The following PPP3CA variants were observed in gnomAD, a reference collection of about 807,000 sequenced individuals.
PPP3CA encodes the protein CAM-PRP catalytic subunit.
PPP3CA carries 14 observed loss-of-function variants against 66.5 expected under a neutral mutation model. That is an observed-to-expected ratio of 0.21 (90% CI 0.14 to 0.33). The LOEUF (loss-of-function observed/expected upper bound fraction) is 0.33, where lower values mean the gene tolerates loss of function less well. Ranked by LOEUF, PPP3CA falls within the 10% of genes least tolerant of loss-of-function variation. The pLI is 1.00. For missense variants in PPP3CA, 317 were observed against 639.5 expected (o/e 0.50, Z 5.44); for synonymous variants, 232 against 226.2 (o/e 1.03, Z -0.23).
intron 2 of PPP3CA, among the ~76,000 whole-genome samples, chr4:101,124,725 G>GAAAGAAAGAAAGAAAGAAAA (rs1412415941): frequency 5.1e-5 from 3 of 58,768 alleles, no homozygotes; most frequent in African/African-American, 1.7e-4. Context: ...AAGAAAGAAA[G>GAAAGAAAGAAAGAAAGAAAA]AGAAAGAAAG....
intron 13 of PPP3CA, among the ~76,000 whole-genome samples, chr4:101,026,696 G>A (rs1726669997): frequency 6.6e-6 from 1 of 152,016 alleles, no homozygotes; most frequent in African/African-American, 2.4e-5. Flanking sequence ...CTTAACTTTG[G>A]AAGCATGTGG....
intron 2 of PPP3CA, among the ~76,000 whole-genome samples, chr4:101,155,267 T>C (rs1012443613): frequency 2.6e-5 from 4 of 152,200 alleles, no homozygotes; most frequent in African/African-American, 9.7e-5. Context: ...ACCAGGTATA[T>C]ACTCAATAAA....
At chr4:101,170,684 C>T (rs1352324881) in intron 2 of PPP3CA, among the ~76,000 whole-genome samples, 1 of 152,088 alleles carries the variant, frequency 6.6e-6, no homozygotes, top group South Asian at 2.1e-4. Context: ...TTAGATATAC[C>T]TATACTTGGA....
chr4:101,192,145 TAC>T (rs1724626715), intron 2 of PPP3CA, among the ~76,000 whole-genome samples: 1 of 152,232 alleles, frequency 6.6e-6, no homozygotes, highest in Non-Finnish European at 1.5e-5. Flanking sequence ...CAAATCATCT[TAC>T]TGTTTTCAAG....
intron 10 of PPP3CA, among the ~76,000 whole-genome samples, chr4:101,042,635 C>T (rs1301527248): frequency 6.6e-6 from 1 of 151,998 alleles, no homozygotes; most frequent in African/African-American, 2.4e-5. Context: ...AGGGTGTGTG[C>T]AGGATCCCTA....
intron 10 of PPP3CA, among the ~76,000 whole-genome samples, chr4:101,049,275 G>A (rs1727906548): frequency 3.3e-5 from 5 of 152,044 alleles, no homozygotes; most frequent in Admixed American, 3.3e-4. Context: ...AGACTTTACA[G>A]TAGATTAGGA....
rs545596114 is a variant in PPP3CA at position 101,104,171 on chromosome 4, A to T, written c.385-4449T>A. Among the ~76,000 whole-genome samples the T allele has an allele frequency of 2.0e-5, 3 of 152,150 alleles. No homozygotes were observed. In the South Asian group the frequency reaches 6.2e-4, roughly 32 times the overall value. On this transcript the variant is annotated intron_variant, in intron 3 of 13. Transcript: ENST00000394854. ...GCTGACTTGGTAAAAATTAAACTGAAGTGCTCCCCTTTGCCCAGAGGATAG... is the reference window on the plus strand; with the variant it reads ...GCTGACTTGGTAAAAATTAAACTGATGTGCTCCCCTTTGCCCAGAGGATAG...
At chr4:101,191,466 G>T (rs1052652136) in intron 2 of PPP3CA, among the ~76,000 whole-genome samples, 1 of 152,170 alleles carries the variant, frequency 6.6e-6, no homozygotes, top group East Asian at 1.9e-4. Flanking sequence ...CACAGGCTGG[G>T]ACTGAAATGT....
At chr4:101,274,320 A>G (rs1043277041) in intron 1 of PPP3CA, among the ~76,000 whole-genome samples, 2 of 152,222 alleles carry the variant, frequency 1.3e-5, no homozygotes, top group Non-Finnish European at 2.9e-5. Flanking sequence ...TCAAAAATAA[A>G]TAAATAAAGG....
intron 2 of PPP3CA, among the ~76,000 whole-genome samples, chr4:101,113,357 C>T (rs1190485370): frequency 2.0e-5 from 3 of 152,124 alleles, no homozygotes; most frequent in Admixed American, 6.6e-5. Context: ...TCATAGCACA[C>T]ACAGCCTTCA....
At chr4:101,031,911 A>ACTT (rs1018866770) in intron 12 of PPP3CA, among the ~76,000 whole-genome samples, 4 of 152,238 alleles carry the variant, frequency 2.6e-5, no homozygotes, top group African/African-American at 9.6e-5. Flanking sequence ...TAACCAGAAT[A>ACTT]CTTATTAAAA....
intron 8 of PPP3CA, among the ~76,000 whole-genome samples, chr4:101,075,726 A>AT (rs147325409): frequency 0.02 from 3,113 of 152,236 alleles, 110 homozygotes; most frequent in African/African-American, 0.071. Flanking sequence ...ATCCAGAGAG[A>AT]TTTTACTCTC....
intron 1 of PPP3CA, among the ~76,000 whole-genome samples, chr4:101,278,843 C>A (rs1417088540): frequency 6.6e-6 from 1 of 152,188 alleles, no homozygotes; most frequent in African/African-American, 2.4e-5. Flanking sequence ...CATCTGGCCC[C>A]CTTTGTGCCA....
chr4:101,117,892 T>C (rs945598012), intron 2 of PPP3CA, among the ~76,000 whole-genome samples: 3 of 151,914 alleles, frequency 2.0e-5, no homozygotes, highest in African/African-American at 7.2e-5. Flanking sequence ...GTTGATATAA[T>C]TTCAGCCGAA....
intron 2 of PPP3CA, among the ~76,000 whole-genome samples, chr4:101,150,682 T>C (rs1472647263): frequency 6.6e-6 from 1 of 152,190 alleles, no homozygotes; most frequent in Admixed American, 6.5e-5. Flanking sequence ...GCATTATGTA[T>C]GATACACAGT....
At chr4:101,344,689 T>G (rs1180161846) in intron 1 of PPP3CA, among the ~76,000 whole-genome samples, 1 of 152,204 alleles carries the variant, frequency 6.6e-6, no homozygotes, top group Non-Finnish European at 1.5e-5. Flanking sequence ...AGTGGGCTCT[T>G]CCATTTTAAG....
chr4:101,208,086 T>C (rs533872001), intron 1 of PPP3CA, among the ~76,000 whole-genome samples: 99 of 152,320 alleles, frequency 6.5e-4, no homozygotes, highest in African/African-American at 2.3e-3. Flanking sequence ...ACTAGCAGAC[T>C]AGAAATACAC....
At chr4:101,191,834 T>C (rs2110186374) in intron 2 of PPP3CA, among the ~76,000 whole-genome samples, 1 of 152,296 alleles carries the variant, frequency 6.6e-6, no homozygotes, top group East Asian at 1.9e-4. Context: ...AGGGTTCTCC[T>C]GGCAACTGCC....
chr4:101,046,309 G>A (rs1311937805), intron 10 of PPP3CA, among the ~76,000 whole-genome samples: 4 of 152,116 alleles, frequency 2.6e-5, no homozygotes, highest in East Asian at 1.9e-4. Context: ...ATATTTTTAC[G>A]TTAGAATGTG....
Sources: gnomAD v4.1 joint callset for allele counts (sites outside exome capture counted in the v4.1 genomes callset) on GRCh38, gnomAD v4.1.1 for gene constraint, MANE v1.5 for transcripts, NCBI Gene and HGNC (gene_info 2026-07-23, HGNC 2026-07-21) for gene names.